Variants in CDK14 observed in about 807,000 individuals in gnomAD.
CDK14 encodes the protein cyclin dependent kinase 14.
CDK14 carries 34 observed loss-of-function variants against 60.7 expected under a neutral mutation model. That is an observed-to-expected ratio of 0.56 (90% CI 0.43 to 0.75). The LOEUF is 0.75. CDK14 is among the 30% of genes least tolerant of loss of function. The probability of loss-of-function intolerance (pLI) is 0.00; values close to 1 mark genes in which losing one functional copy is unlikely to be tolerated. For missense variants in CDK14, 482 were observed against 564.1 expected (o/e 0.85, Z 1.47); for synonymous variants, 197 against 203.7 (o/e 0.97, Z 0.28).
chr7:91,052,508 G>A (rs1274453789), intron 11 of CDK14, among the ~76,000 whole-genome samples: 3 of 152,158 alleles, frequency 2.0e-5, no homozygotes, highest in East Asian at 1.9e-4. Context: ...ATAACACTTC[G>A]TATAAAATGG....
chr7:90,691,177 C>G (rs1184738796), intron 2 of CDK14, among the ~76,000 whole-genome samples: 1 of 152,044 alleles, frequency 6.6e-6, no homozygotes, highest in Non-Finnish European at 1.5e-5. Flanking sequence ...GTGTGTTTAT[C>G]TCAGTTGTGG....
At chr7:91,015,764 G>A (rs1395888923) in intron 10 of CDK14, among the ~76,000 whole-genome samples, 1 of 149,972 alleles carries the variant, frequency 6.7e-6, no homozygotes, top group African/African-American at 2.4e-5. Flanking sequence ...TGGAATATGG[G>A]TATGAATCAG....
chr7:91,168,197 G>A (rs1405163543), intron 14 of CDK14, among the ~76,000 whole-genome samples: 3 of 151,618 alleles, frequency 2.0e-5, no homozygotes, highest in African/African-American at 7.3e-5. Context: ...GGGAGGCGGA[G>A]GTCGCAGTGA....
chr7:90,998,102 T>C (rs555943583), intron 10 of CDK14, among the ~76,000 whole-genome samples: 1 of 152,222 alleles, frequency 6.6e-6, no homozygotes, highest in Non-Finnish European at 1.5e-5. Context: ...CTTCCTAATA[T>C]ACCATCATGT....
chr7:91,175,498 A>C (rs1274932815), intron 14 of CDK14, among the ~76,000 whole-genome samples: 1 of 152,220 alleles, frequency 6.6e-6, no homozygotes, highest in Non-Finnish European at 1.5e-5. Context: ...GCTCCAATTG[A>C]AAGACACAGA....
chr7:90,657,194 C>T (rs1800769978), intron 2 of CDK14, among the ~76,000 whole-genome samples: 1 of 152,118 alleles, frequency 6.6e-6, no homozygotes, highest in African/African-American at 2.4e-5. Context: ...ATGGTTTGGA[C>T]TATTCAATAG....
intron 10 of CDK14, among the ~76,000 whole-genome samples, chr7:91,028,553 A>G (rs941597710): frequency 2.0e-5 from 3 of 152,216 alleles, no homozygotes; most frequent in East Asian, 1.9e-4. Context: ...CTAACAGTGT[A>G]TAAGTGTTCC....
chr7:90,833,602 A>T (rs1288072318), intron 5 of CDK14, among the ~76,000 whole-genome samples: 4 of 152,210 alleles, frequency 2.6e-5, no homozygotes, highest in Non-Finnish European at 5.9e-5. Flanking sequence ...GGTGTGAATG[A>T]AGAGTAGTCT....
intron 2 of CDK14, among the ~76,000 whole-genome samples, chr7:90,690,393 A>G (rs764567853): frequency 6.6e-6 from 1 of 152,174 alleles, no homozygotes; most frequent in Non-Finnish European, 1.5e-5. Flanking sequence ...GTAAAATGGG[A>G]TTAAAAATAG....
At chr7:91,142,706 G>T (rs1022809994) in intron 14 of CDK14, among the ~76,000 whole-genome samples, 1 of 152,150 alleles carries the variant, frequency 6.6e-6, no homozygotes, top group African/African-American at 2.4e-5. Context: ...GGTAAAGTTG[G>T]TTTATTCCAT....
Position 90,781,735 on chromosome 7 carries a change from G to A in CDK14, c.465-8838G>A, listed in dbSNP as rs746189238. On this transcript the variant is annotated intron_variant, in intron 4 of 14. Transcript: ENST00000380050. ...AAAGATCAGATAGTTGTAGATATGC[G>A]GCATTATTTCTGAGGGCTCTGTTCT... Among the ~76,000 whole-genome samples the A allele has an allele frequency of 1.0e-2, 1,505 of 151,006 alleles. 10 individuals are homozygous for A. Among genetic ancestry groups the A allele is most frequent in the Middle Eastern group, 0.048 (14 of 290 alleles).
intron 10 of CDK14, among the ~76,000 whole-genome samples, chr7:91,024,233 A>G (rs1796511430): frequency 1.3e-5 from 2 of 152,180 alleles, no homozygotes; most frequent in Non-Finnish European, 2.9e-5. Context: ...TACCTTATTT[A>G]ATCTTTTTAC....
At chr7:90,869,292 T>C (rs926932953) in intron 6 of CDK14, among the ~76,000 whole-genome samples, 1 of 152,304 alleles carries the variant, frequency 6.6e-6, no homozygotes, top group Non-Finnish European at 1.5e-5. Flanking sequence ...GAGAAGTGTT[T>C]AGGTAAAAAT....
rs150070104 is a variant in CDK14 at position 90,986,576 on chromosome 7, C to G, written c.1041+2335C>G. Among the ~76,000 whole-genome samples, 1,183 of 151,968 alleles carry G rather than the reference C, an allele frequency of 7.8e-3. 20 individuals are homozygous for G. Among genetic ancestry groups the G allele is most frequent in the African/African-American group, 0.028 (1,142 of 41,504 alleles). ...AACATGTTTGGTTTTTTGTTCTACT[C>G]AAGACTTTACTTTTATTCAATTATT... On this transcript the variant is annotated intron_variant, in intron 10 of 14. Transcript: ENST00000380050.
intron 11 of CDK14, among the ~76,000 whole-genome samples, chr7:91,049,801 A>T (rs1797341162): frequency 6.6e-6 from 1 of 152,184 alleles, no homozygotes; most frequent in South Asian, 2.1e-4. Flanking sequence ...GGGACTGGAG[A>T]TGTTGCATTG....
At chr7:91,057,481 A>G (rs1269390813) in intron 11 of CDK14, among the ~76,000 whole-genome samples, 1 of 151,964 alleles carries the variant, frequency 6.6e-6, no homozygotes, top group African/African-American at 2.4e-5. Context: ...GTCCTTGCCC[A>G]TGCCTATGTC....
chr7:90,812,160 A>G (rs180803089), intron 5 of CDK14, among the ~76,000 whole-genome samples: 112 of 152,368 alleles, frequency 7.4e-4, no homozygotes, highest in African/African-American at 2.4e-3. Context: ...ATAAAGACAC[A>G]TGCCCATGTA....
At chr7:90,805,961 CA>C (rs761590544) in intron 5 of CDK14, among the ~76,000 whole-genome samples, 12 of 152,076 alleles carry the variant, frequency 7.9e-5, no homozygotes, top group Non-Finnish European at 1.6e-4. Flanking sequence ...TGATTCACAG[CA>C]TAGAATGGAA....
intron 4 of CDK14, among the ~76,000 whole-genome samples, chr7:90,788,420 T>C (rs1805688383): frequency 6.6e-6 from 1 of 152,122 alleles, no homozygotes; most frequent in South Asian, 2.1e-4. Flanking sequence ...TGCATCTGGG[T>C]ACCTAGAGCA....
Sources: gnomAD v4.1 joint callset for allele counts (sites outside exome capture counted in the v4.1 genomes callset) on GRCh38, gnomAD v4.1.1 for gene constraint, MANE v1.5 for transcripts, NCBI Gene and HGNC (gene_info 2026-07-23, HGNC 2026-07-21) for gene names.